AARSD1: variants seen among roughly 807,000 people sequenced by gnomAD.
AARSD1 encodes the protein alanyl-tRNA synthetase domain containing 1, also known as alanyl-tRNA editing protein Aarsd1.
In AARSD1, 44 loss-of-function variants were observed where a neutral mutation model predicts 48.7. The ratio of observed to expected loss-of-function variants is 0.90; its 90% CI spans 0.71 to 1.16. The LOEUF (loss-of-function observed/expected upper bound fraction) is 1.16, where lower values mean the gene tolerates loss of function less well. Ranked by LOEUF, AARSD1 falls within the 50% of genes most tolerant of loss-of-function variation. The probability of loss-of-function intolerance (pLI) is 0.00; values close to 1 mark genes in which losing one functional copy is unlikely to be tolerated. For synonymous variants in AARSD1, 189 were observed against 194.9 expected, an observed-to-expected ratio of 0.97 and a Z score of 0.25; for missense variants, 511 against 523.1, an observed-to-expected ratio of 0.98 and a Z score of 0.23.
intron 3 of AARSD1, among the ~76,000 whole-genome samples, chr17:42,960,053 G>A (rs1204235734): frequency 6.6e-6 from 1 of 151,864 alleles, no homozygotes; most frequent in African/African-American, 2.4e-5. Flanking sequence ...GGCGGATCAC[G>A]AGGTCTGGAG....
intron 4 of AARSD1, 32 bp from the exon 5 acceptor site, chr17:42,956,592 A>C (rs1172441163): frequency 6.4e-7 from 1 of 1,557,874 alleles, no homozygotes; most frequent in East Asian, 2.3e-5. Context: ...CAGATAACAT[A>C]TCTTACTGAA....
chr17:42,957,456 C>A, intron 3 of AARSD1: 1 of 228,670 alleles, frequency 4.4e-6, no homozygotes, highest in Non-Finnish European at 8.4e-6. Flanking sequence ...TTATAAGGGG[C>A]TGGACTTGAA....
intron 2 of AARSD1, chr17:42,962,378 G>C (rs1235518915): frequency 1.8e-5 from 3 of 166,458 alleles, no homozygotes; most frequent in Admixed American, 6.5e-5. Context: ...GCCAGCCCAA[G>C]AATACAATGT....
chr17:42,963,919 G>T (rs781242919), intron 2 of AARSD1, among the ~76,000 whole-genome samples, 187 bp downstream of exon 2: 1 of 152,088 alleles, frequency 6.6e-6, no homozygotes, highest in African/African-American at 2.4e-5. Flanking sequence ...TTACAGCCTG[G>T]AATAATATCT....
chr17:42,957,859 G>A (rs1230673600), intron 3 of AARSD1, among the ~76,000 whole-genome samples: 1 of 152,120 alleles, frequency 6.6e-6, no homozygotes, highest in African/African-American at 2.4e-5. Flanking sequence ...TGACATAAGA[G>A]ATACAGCAGC....
intron 7 of AARSD1, 80 bp from the exon 8 acceptor site, chr17:42,955,304 T>A: frequency 1.3e-6 from 2 of 1,563,398 alleles, no homozygotes; most frequent in Non-Finnish European, 1.7e-6. Context: ...ATAATTTCCT[T>A]CTTGCTATGG....
In AARSD1 at chr17:42,957,476, CTTTTTTTTT is replaced by C. The variant is rs1165420812; in HGVS notation, c.332-290_332-282del. 7.2e-5 allele frequency: 6 copies of C among 82,954 alleles called. No individual in the cohort carries two copies. The South Asian group carries it at 1.9e-3, about 26-fold the overall frequency. The allele number at this position is 82,954 out of a possible 1,614,324, so 5.1% of individuals were successfully genotyped here. A position where few individuals can be genotyped will look rare whatever the true frequency, so the allele number is the denominator to read the frequency against. ...AGGGGCTGGACTTGAACTTAACTTCCTTTTTTTTTTTTTTTTTTTTTTTTTGAGACAGTC... is the reference window on the plus strand; with the variant it reads ...AGGGGCTGGACTTGAACTTAACTTCCTTTTTTTTTTTTTTTTGAGACAGTC... On this transcript the variant is annotated intron_variant, in intron 3 of 11. Coordinates refer to ENST00000427569, the MANE Select transcript of AARSD1 (RefSeq NM_001261434.2).
intron 2 of AARSD1, 71 bp downstream of exon 2, chr17:42,964,035 A>C: frequency 6.3e-7 from 1 of 1,593,304 alleles, no homozygotes; most frequent in Non-Finnish European, 8.5e-7. Context: ...CTGAGAAAAA[A>C]GGGGCAGGAG....
At chr17:42,958,690 C>T (rs2049591243) in intron 3 of AARSD1, among the ~76,000 whole-genome samples, 3 of 149,930 alleles carry the variant, frequency 2.0e-5, no homozygotes, top group Admixed American at 6.6e-5. Flanking sequence ...CCTGCCTCAG[C>T]CTCCCAAGTA....
rs896123792 is a variant in AARSD1, at chr17:42,955,106, G to A, written c.861+52C>T. 1.4e-5 allele frequency: 22 copies of A among 1,613,444 alleles called. No homozygotes were observed. In the African/African-American group the frequency reaches 1.7e-4, roughly 13 times the overall value. On this transcript the variant is annotated intron_variant, in intron 8 of 11. Coordinates refer to ENST00000427569, the MANE Select transcript of AARSD1 (RefSeq NM_001261434.2). ...TTAGGCAGAAGACCAAGTCTGCAGAGCCTATCCTAGGCAGGGCCCATGCCC... is the reference window on the plus strand; with the variant it reads ...TTAGGCAGAAGACCAAGTCTGCAGAACCTATCCTAGGCAGGGCCCATGCCC...
In AARSD1 at chr17:42,956,195, C is replaced by G. The variant is rs558257000; in HGVS notation, c.663+9G>C. 7 of 1,614,098 alleles carry G rather than the reference C, an allele frequency of 4.3e-6. No individual in the cohort carries two copies. The African/African-American group carries it at 6.7e-5, about 15-fold the overall frequency. On this transcript the variant is annotated intron_variant, in intron 6 of 11. Coordinates refer to ENST00000427569, the MANE Select transcript of AARSD1 (RefSeq NM_001261434.2). ...CTTCTCAGCCACTCCACAGCCGTTC[C>G]TCACTTACCTGAAGGTCACTGAGAT...
chr17:42,956,057 A>C (rs1186546545), intron 6 of AARSD1, 85 bp from the exon 7 acceptor site: 2 of 1,609,958 alleles, frequency 1.2e-6, no homozygotes, highest in Non-Finnish European at 1.7e-6. Flanking sequence ...AGGCAGGAGA[A>C]ACCTATCTGT....
chr17:42,961,143 C>G (rs767606604), intron 3 of AARSD1, 49 bp downstream of exon 3: 1 of 1,569,382 alleles, frequency 6.4e-7, no homozygotes, highest in Non-Finnish European at 8.7e-7. Flanking sequence ...CACAGCATCC[C>G]CATACATGGC....
At chr17:42,957,098 G>A in intron 4 of AARSD1, 40 bp downstream of exon 4, 1 of 1,609,918 alleles carries the variant, frequency 6.2e-7, no homozygotes, top group Non-Finnish European at 8.5e-7. Context: ...CCAGTGCTGG[G>A]ATGGGCCTGC....
intron 9 of AARSD1, 155 bp downstream of exon 9, chr17:42,954,721 C>G (rs1273574882): frequency 1.3e-6 from 1 of 779,764 alleles, no homozygotes; most frequent in South Asian, 1.8e-5. Context: ...GCGTGAGCCA[C>G]CGCGCCCGGC....
At chr17:42,951,951 C>G in intron 10 of AARSD1, 57 bp from the exon 11 acceptor site, 1 of 1,557,046 alleles carries the variant, frequency 6.4e-7, no homozygotes, top group Non-Finnish European at 8.8e-7. Context: ...AGTCAACCCC[C>G]CAAATCCTGC....
intron 3 of AARSD1, among the ~76,000 whole-genome samples, chr17:42,960,761 A>AGTGATT (rs1027742221): frequency 4.4e-4 from 67 of 151,620 alleles, no homozygotes; most frequent in African/African-American, 1.6e-3. Context: ...AACAGGACTC[A>AGTGATT]GTGATTGGCT....
At chr17:42,956,121 C>A in intron 6 of AARSD1, 83 bp downstream of exon 6, 1 of 1,610,396 alleles carries the variant, frequency 6.2e-7, no homozygotes, top group Non-Finnish European at 8.5e-7. Context: ...CCTCGATTAT[C>A]CCCCTCTCCC....
chr17:42,953,247 TG>T (rs1441300735), intron 10 of AARSD1, among the ~76,000 whole-genome samples: 1 of 152,190 alleles, frequency 6.6e-6, no homozygotes. Flanking sequence ...CCCAAAGTGC[TG>T]GAATTACAGG....
Sources: gnomAD v4.1 joint callset for allele counts (sites outside exome capture counted in the v4.1 genomes callset) on GRCh38, gnomAD v4.1.1 for gene constraint, MANE v1.5 for transcripts, NCBI Gene and HGNC (gene_info 2026-07-23, HGNC 2026-07-21) for gene names.